Variants in SUGCT observed in about 807,000 individuals in gnomAD.
The protein encoded by SUGCT is succinyl-CoA:glutarate-CoA transferase, also known as succinyl-CoA:glutarate CoA-transferase.
Under a neutral mutation model 55.0 loss-of-function variants are expected in SUGCT, and 41 were observed. The observed-to-expected ratio is 0.74, with a 90% CI of 0.58 to 0.97. The LOEUF (loss-of-function observed/expected upper bound fraction) is 0.97. Ranked by LOEUF, SUGCT falls within the 50% of genes least tolerant of loss-of-function variation. SUGCT has a pLI of 0.00. For synonymous variants in SUGCT, 187 were observed against 200.4 expected (o/e 0.93, Z 0.56); for missense variants, 568 against 547.8 (o/e 1.04, Z -0.37).
At chr7:40,411,903 A>G (rs1786716843) in intron 9 of SUGCT, among the ~76,000 whole-genome samples, 1 of 151,820 alleles carries the variant, frequency 6.6e-6, no homozygotes, top group African/African-American at 2.4e-5. Flanking sequence ...TACATCTATT[A>G]TGACTCAATA....
intron 9 of SUGCT, among the ~76,000 whole-genome samples, chr7:40,391,809 ATGCTGC>A (rs1354909178): frequency 2.6e-5 from 4 of 152,176 alleles, no homozygotes; most frequent in African/African-American, 9.7e-5. Context: ...ATTATAAGTC[ATGCTGC>A]TGTAAAGACA....
At chr7:40,918,458 C>G in the SUGCT span, among the ~76,000 whole-genome samples, 1 of 80,446 alleles carries the variant, frequency 1.2e-5, no homozygotes, top group Non-Finnish European at 2.2e-5. Context: ...GAGACTCTGT[C>G]TCAAAAAAAA....
rs189236563 is a variant in SUGCT at position 40,439,895 on chromosome 7, C to T, written c.817-9392C>T. On this transcript the variant is annotated intron_variant, in intron 9 of 13. Coordinates refer to ENST00000335693, the MANE Select transcript of SUGCT (RefSeq NM_001193313.2). ...GATTCATGTCAAACTGCATTCTGTT[C>T]GCATCATGACACCAGACACCTCTTG... Among the ~76,000 whole-genome samples the T allele has an allele frequency of 3.9e-5, 6 of 152,204 alleles. No individual in the cohort carries two copies. In the East Asian group the frequency reaches 5.8e-4, roughly 15 times the overall value.
At chr7:40,267,725 C>G (rs1203468478) in intron 7 of SUGCT, among the ~76,000 whole-genome samples, 1 of 152,134 alleles carries the variant, frequency 6.6e-6, no homozygotes, top group Non-Finnish European at 1.5e-5. Flanking sequence ...AATACTTAGG[C>G]ACTTTACAGT....
chr7:40,897,911 T>G, the SUGCT span, among the ~76,000 whole-genome samples: 1 of 116,344 alleles, frequency 8.6e-6, no homozygotes, highest in Non-Finnish European at 2.1e-5. Flanking sequence ...CAGCTCTCTG[T>G]AAAATGAACC....
At chr7:40,786,612 G>A (rs1314156712) in intron 13 of SUGCT, among the ~76,000 whole-genome samples, 2 of 152,130 alleles carry the variant, frequency 1.3e-5, no homozygotes, top group East Asian at 3.8e-4. Context: ...GCAATTATCT[G>A]TGGAAATAAC....
At chr7:40,160,110 A>AC (rs1784074985) in intron 1 of SUGCT, among the ~76,000 whole-genome samples, 1 of 152,002 alleles carries the variant, frequency 6.6e-6, no homozygotes, top group Non-Finnish European at 1.5e-5. Flanking sequence ...GCTGTAGTAA[A>AC]CCTTAGCTCT....
rs115331117 is a variant in SUGCT at position 40,242,473 on chromosome 7, C to T, written c.576+4747C>T. ...AGGTGTGAGCCACCATGCCGAGCCT[C>T]GTATTGACACATTCTATAACTGAAG... On this transcript the variant is annotated intron_variant, in intron 7 of 13. Transcript: ENST00000335693. 7.6e-3 allele frequency among the ~76,000 whole-genome samples: 1,155 copies of T among 152,044 alleles called. 16 individuals are homozygous for T. The highest frequency in any genetic ancestry group is 0.026 in the African/African-American group (1,084 of 41,504).
At chr7:40,620,149 G>A (rs1054260065) in intron 12 of SUGCT, among the ~76,000 whole-genome samples, 17 of 152,158 alleles carry the variant, frequency 1.1e-4, no homozygotes, top group East Asian at 1.9e-4. Context: ...TGTCAGGGAT[G>A]TACCTTACCT....
intron 11 of SUGCT, among the ~76,000 whole-genome samples, chr7:40,483,565 C>T (rs890609539): frequency 6.6e-6 from 1 of 151,710 alleles, no homozygotes; most frequent in African/African-American, 2.4e-5. Flanking sequence ...TAAAGTAGCT[C>T]CTATATGAAA....
chr7:40,157,060 G>A (rs967855409), intron 1 of SUGCT, among the ~76,000 whole-genome samples: 1 of 151,646 alleles, frequency 6.6e-6, no homozygotes, highest in Non-Finnish European at 1.5e-5. Context: ...GCATGGTCAG[G>A]GCTTTCTGAG....
At chr7:40,384,871 G>C (rs1485180597) in intron 9 of SUGCT, among the ~76,000 whole-genome samples, 3 of 152,070 alleles carry the variant, frequency 2.0e-5, no homozygotes, top group African/African-American at 7.2e-5. Context: ...CTACAAAGGC[G>C]TATTGAGAGC....
chr7:40,312,529 A>G (rs767515106), intron 8 of SUGCT, among the ~76,000 whole-genome samples: 2 of 152,074 alleles, frequency 1.3e-5, no homozygotes, highest in Non-Finnish European at 2.9e-5. Context: ...TATGAATTCC[A>G]TAGGTGACTG....
At chr7:40,882,586 G>T in the SUGCT span, among the ~76,000 whole-genome samples, 1 of 152,148 alleles carries the variant, frequency 6.6e-6, no homozygotes, top group African/African-American at 2.4e-5. Flanking sequence ...AAAGCTCTTT[G>T]ATTAAGGCTC....
intron 12 of SUGCT, among the ~76,000 whole-genome samples, chr7:40,593,754 A>G (rs1159930250): frequency 1.3e-5 from 2 of 152,062 alleles, no homozygotes; most frequent in East Asian, 3.9e-4. Context: ...CAGGAGAATC[A>G]CTTGAGCCTG....
chr7:40,836,261 G>C (rs946947581), intron 13 of SUGCT, among the ~76,000 whole-genome samples: 12 of 151,960 alleles, frequency 7.9e-5, no homozygotes, highest in Non-Finnish European at 1.6e-4. Context: ...TCAGATGTAA[G>C]GTTTTGCTTT....
the SUGCT span, among the ~76,000 whole-genome samples, chr7:40,929,373 G>T: frequency 2.6e-5 from 4 of 152,088 alleles, no homozygotes; most frequent in African/African-American, 4.8e-5. Context: ...GAATAATGCC[G>T]CAATAAACAC....
intron 9 of SUGCT, among the ~76,000 whole-genome samples, chr7:40,335,670 A>G (rs550798715): frequency 3.5e-4 from 53 of 152,276 alleles, no homozygotes; most frequent in African/African-American, 1.2e-3. Flanking sequence ...GGTTTTCTAG[A>G]TATACAATCA....
intron 12 of SUGCT, among the ~76,000 whole-genome samples, chr7:40,645,820 TTCAGGCTCAGGC>T (rs1194207614): frequency 6.6e-6 from 1 of 152,164 alleles, no homozygotes; most frequent in Admixed American, 6.5e-5. Context: ...CAAGCTGGGG[TTCAGGCTCAGGC>T]TCTATTCGCA....
Sources: allele counts gnomAD v4.1 joint callset (sites outside exome capture counted in the v4.1 genomes callset), GRCh38; gene constraint gnomAD v4.1.1; transcripts MANE v1.5; gene names NCBI Gene and HGNC (gene_info 2026-07-23, HGNC 2026-07-21).